ABCC4: variants seen among roughly 807,000 people sequenced by gnomAD.
The protein encoded by ABCC4 is ATP binding cassette subfamily C member 4 (PEL blood group).
A neutral mutation model predicts 168.5 loss-of-function variants in ABCC4; 102 were observed. That is an observed-to-expected ratio of 0.61 (90% confidence interval 0.52 to 0.71). The LOEUF (loss-of-function observed/expected upper bound fraction) is 0.71. Among genes scored for constraint, ABCC4 ranks in the 30% least tolerant of loss-of-function variants. ABCC4 has a pLI of 0.00. For synonymous variants in ABCC4, 617 were observed against 590.7 expected (o/e 1.04, Z -0.65); for missense variants, 1,402 against 1,605.8 (o/e 0.87, Z 2.17).
chr13:95,292,971 G>C (rs2041439791), intron 1 of ABCC4, among the ~76,000 whole-genome samples: 1 of 152,098 alleles, frequency 6.6e-6, no homozygotes, highest in Admixed American at 6.6e-5. Context: ...GGCAACCTTG[G>C]GTGTAACAAA....
At chr13:95,170,767 T>C (rs932099668) in intron 13 of ABCC4, 139 bp from the exon 14 acceptor site, 2 of 522,484 alleles carry the variant, frequency 3.8e-6, no homozygotes, top group East Asian at 3.1e-5. Flanking sequence ...AATACAAATA[T>C]AAGCCAATAA....
intron 13 of ABCC4, among the ~76,000 whole-genome samples, chr13:95,171,567 A>C (rs1269970616): frequency 7.1e-6 from 1 of 140,244 alleles, no homozygotes; most frequent in Non-Finnish European, 1.5e-5. Context: ...AAAAGAAAAA[A>C]AGGAGAAAAA....
At position 95,071,742 on chromosome 13, in the gene ABCC4, C is replaced by T. The variant is rs2033731205; in HGVS notation, c.3130G>A (p.Asp1044Asn). Residue 1044 changes from aspartate (D) to asparagine (N), a missense_variant, in exon 25 of 31, where the codon GAC becomes AAC. By Grantham distance (23) the Asp-to-Asn change is conservative. This residue lies in a region of ABCC4 where 1,007 missense variants were observed against 1,127.3 expected (regional missense o/e 0.89). Coordinates refer to ENST00000645237, the MANE Select transcript of ABCC4 (RefSeq NM_005845.5). The stretch of plus-strand genomic sequence containing the variant: ...GGACTGTACATGAAGTTCACATTGT[C>T]AAAGATTATCACTCCTTCATGGGGC... The part of the protein sequence containing the change: ...AWPHEGVIIF[D>N]NVNFMYSPGG... 1 of 1,606,126 alleles carries T rather than the reference C, an allele frequency of 6.2e-7. No homozygotes were observed. Among genetic ancestry groups the T allele is most frequent in the Non-Finnish European group, 8.5e-7 (1 of 1,176,392 alleles).
At position 95,166,237 on chromosome 13, in the gene ABCC4, C is replaced by G; in HGVS notation, c.1955G>C (p.Arg652Pro). 6.2e-7 allele frequency: 1 copy of G among 1,614,108 alleles called. No homozygotes were observed. Among genetic ancestry groups the G allele is most frequent in the South Asian group, 1.1e-5 (1 of 91,080 alleles). The change falls in exon 15 of 31, where the codon CGT becomes CCT. Residue 652 changes from arginine (R) to proline (P), a missense_variant. Transcript: ENST00000645237. ...PVPGTPTLRN[R>P]TFSESSVWSQ... ...CCAAACCGAAGACTCTGAGAAGGTA[C>G]GATTCCTTAGTGTGGGAGTTCCTGG...
chr13:95,054,847 A>C (rs2032995153), intron 26 of ABCC4, among the ~76,000 whole-genome samples: 1 of 152,326 alleles, frequency 6.6e-6, no homozygotes, highest in Middle Eastern at 3.4e-3. Context: ...CCAGCCATAA[A>C]GAAAAATGAT....
chr13:95,137,171 G>A (rs1294995513), intron 19 of ABCC4, among the ~76,000 whole-genome samples: 2 of 152,226 alleles, frequency 1.3e-5, no homozygotes, highest in African/African-American at 4.8e-5. Context: ...GTAGGAAAAT[G>A]TCTATTGGCC....
Position 95,157,121 on chromosome 13 carries a change from CACACACACAA to C in ABCC4, c.2455+4058_2455+4067del, listed in dbSNP as rs1336901450. On this transcript the variant is annotated intron_variant, in intron 19 of 30. Transcript: ENST00000645237. ...ACACACACACACACACACACACACA[CACACACACAA>C]ACAGTCACCATTTGTCCACTGGTGG... Among the ~76,000 whole-genome samples, 91 of 145,212 alleles carry C rather than the reference CACACACACAA, an allele frequency of 6.3e-4. 1 individual carries two copies. The highest frequency in any genetic ancestry group is 3.6e-3 in the Middle Eastern group (1 of 278).
At chr13:95,066,522 G>A (rs1414388920) in intron 25 of ABCC4, among the ~76,000 whole-genome samples, 1 of 152,204 alleles carries the variant, frequency 6.6e-6, no homozygotes, top group African/African-American at 2.4e-5. Context: ...ATTTAACTCA[G>A]GCTTGAAACA....
intron 1 of ABCC4, among the ~76,000 whole-genome samples, chr13:95,270,838 G>C (rs1367165713): frequency 7.2e-5 from 11 of 152,224 alleles, no homozygotes; most frequent in Non-Finnish European, 8.8e-5. Flanking sequence ...GCTCACGCCT[G>C]TAATCCCAGC....
chr13:95,269,383 G>A (rs1275063863), intron 1 of ABCC4: 4 of 437,972 alleles, frequency 9.1e-6, no homozygotes, highest in Middle Eastern at 3.6e-4. Flanking sequence ...CTGAGACTGC[G>A]CCACTGCACT....
At chr13:95,027,944 C>T (rs2031629426) in intron 30 of ABCC4, among the ~76,000 whole-genome samples, 1 of 152,234 alleles carries the variant, frequency 6.6e-6, no homozygotes, top group African/African-American at 2.4e-5. Flanking sequence ...GGAGACACAC[C>T]TTTGGATATT....
At chr13:95,190,650 A>T (rs563426283) in intron 9 of ABCC4, among the ~76,000 whole-genome samples, 6 of 152,362 alleles carry the variant, frequency 3.9e-5, no homozygotes, top group African/African-American at 1.4e-4. Context: ...AAAACTGCCA[A>T]CTCTAAGAAC....
intron 19 of ABCC4, among the ~76,000 whole-genome samples, chr13:95,147,374 T>A (rs1222490603): frequency 1.3e-5 from 2 of 152,208 alleles, no homozygotes; most frequent in Non-Finnish European, 2.9e-5. Flanking sequence ...TTACAAGAAC[T>A]AACCAGAAAT....
intron 25 of ABCC4, among the ~76,000 whole-genome samples, chr13:95,066,967 G>C (rs536434698): frequency 2.0e-5 from 3 of 152,342 alleles, no homozygotes; most frequent in African/African-American, 7.2e-5. Context: ...AGCCAAGACA[G>C]TACCTGTATT....
chr13:95,227,606 G>GA (rs1324400414), intron 4 of ABCC4, among the ~76,000 whole-genome samples: 3 of 152,146 alleles, frequency 2.0e-5, no homozygotes, highest in Non-Finnish European at 4.4e-5. Flanking sequence ...GGCTCTCTAC[G>GA]AATCTTCAGA....
rs1001690014 is a variant in ABCC4, at chr13:95,085,353, C to T, written c.2536-2063G>A. ...TACTCGAGAGGCTGAGGGAGGACAA[C>T]TGCCTGAACCTGGGAGCTGGAGGTT... On this transcript the variant is annotated intron_variant, in intron 20 of 30. Coordinates refer to ENST00000645237, the MANE Select transcript of ABCC4 (RefSeq NM_005845.5). Among the ~76,000 whole-genome samples, 90 of 152,014 alleles carry T rather than the reference C, an allele frequency of 5.9e-4. 2 individuals carry two copies. The highest frequency in any genetic ancestry group is 5.9e-3 in the Admixed American group (90 of 15,250).
At chr13:95,244,545 T>C (rs972041594) in intron 3 of ABCC4, among the ~76,000 whole-genome samples, 4 of 145,976 alleles carry the variant, frequency 2.7e-5, no homozygotes. Flanking sequence ...CACTCCAGCC[T>C]GGCAACAGAG....
At chr13:95,196,586 AAGG>A (rs771522143) in intron 8 of ABCC4, among the ~76,000 whole-genome samples, 19,756 of 34,564 alleles carry the variant, frequency 0.57, 3,820 homozygotes, top group Non-Finnish European at 0.61. Flanking sequence ...GGAAAGGAGG[AAGG>A]AAGGAAGGAA....
rs1000336795 is a variant in ABCC4 at position 95,252,172 on chromosome 13, A to G, written c.75-4419T>C. On this transcript the variant is annotated intron_variant, in intron 1 of 30. Transcript: ENST00000645237. ...TTTGGATATGCCAAGGAGAAGCCAC[A>G]AAGGCCTTCCTTTATGTGAAAAGGT... 2.0e-5 allele frequency among the ~76,000 whole-genome samples: 3 copies of G among 152,172 alleles called. No homozygotes were observed. In the East Asian group the frequency reaches 5.8e-4, roughly 29 times the overall value.
Sources: gnomAD v4.1 joint callset for allele counts (sites outside exome capture counted in the v4.1 genomes callset) on GRCh38, gnomAD v4.1.1 for gene constraint, gnomAD v4.1.1 regional missense constraint, MANE v1.5 for transcripts, NCBI Gene and HGNC (gene_info 2026-07-23, HGNC 2026-07-21) for gene names.